Variants in GRM7 observed in about 807,000 individuals in gnomAD.
The protein encoded by GRM7 is metabotropic glutamate receptor 7.
A neutral mutation model predicts 84.5 loss-of-function variants in GRM7; 35 were observed. That is an observed-to-expected ratio of 0.41 (90% CI 0.32 to 0.55). The LOEUF is 0.55. Among genes scored for constraint, GRM7 ranks in the 20% least tolerant of loss-of-function variants. The pLI is 0.19. For synonymous variants in GRM7, 487 were observed against 455.1 expected, an observed-to-expected ratio of 1.07 and a Z score of -0.89; for missense variants, 1,003 against 1,194.6, an observed-to-expected ratio of 0.84 and a Z score of 2.36.
At chr3:7,468,862 T>A (rs1218603478) in intron 7 of GRM7, among the ~76,000 whole-genome samples, 1 of 152,214 alleles carries the variant, frequency 6.6e-6, no homozygotes, top group African/African-American at 2.4e-5. Flanking sequence ...GACTGTGAAT[T>A]TTCTGAGGCC....
At chr3:7,207,194 G>C (rs1287730380) in intron 2 of GRM7, among the ~76,000 whole-genome samples, 1 of 152,160 alleles carries the variant, frequency 6.6e-6, no homozygotes, top group Non-Finnish European at 1.5e-5. Flanking sequence ...TCCGCCATTA[G>C]AGACATGGGG....
At position 7,085,048 on chromosome 3, in the gene GRM7, T is replaced by A. The variant is rs187380895; in HGVS notation, c.520-61404T>A. On this transcript the variant is annotated intron_variant, in intron 1 of 9. Transcript: ENST00000357716. ...TCATATCCTCAGGTAGTATTCCATA[T>A]CTGATTTAATAGCTTGCTGAGGGGC... 2.2e-3 allele frequency among the ~76,000 whole-genome samples: 338 copies of A among 152,262 alleles called. 3 individuals are homozygous for A. The highest frequency in any genetic ancestry group is 2.9e-3 in the East Asian group (15 of 5,172).
chr3:7,475,039 A>T (rs531592156), intron 7 of GRM7, among the ~76,000 whole-genome samples: 1 of 152,218 alleles, frequency 6.6e-6, no homozygotes, highest in Non-Finnish European at 1.5e-5. Context: ...CAACAAATAC[A>T]CAACTATTCA....
At chr3:7,502,274 C>T (rs1291773204) in intron 7 of GRM7, among the ~76,000 whole-genome samples, 1 of 152,160 alleles carries the variant, frequency 6.6e-6, no homozygotes. Flanking sequence ...GTTCCCTCAA[C>T]ATTATGTTCA....
At chr3:7,290,475 A>G (rs1337662245) in intron 2 of GRM7, among the ~76,000 whole-genome samples, 1 of 152,176 alleles carries the variant, frequency 6.6e-6, no homozygotes, top group Non-Finnish European at 1.5e-5. Flanking sequence ...AAATTCCTGA[A>G]TACATTTTAT....
In GRM7 at chr3:7,526,132, C is replaced by T. The variant is rs114832673; in HGVS notation, c.1516-52290C>T. 5.9e-3 allele frequency among the ~76,000 whole-genome samples: 898 copies of T among 152,226 alleles called. 2 individuals carry two copies. The highest frequency in any genetic ancestry group is 0.02 in the African/African-American group (846 of 41,546). ...CTTTGAGAAATCTCCAAACTACTTT[C>T]CACAGTGTCTGAACTAATCATGCCA... On this transcript the variant is annotated intron_variant, in intron 7 of 9. Coordinates refer to ENST00000357716, the MANE Select transcript of GRM7 (RefSeq NM_000844.4).
At chr3:7,137,189 G>A (rs1693799535) in intron 1 of GRM7, among the ~76,000 whole-genome samples, 1 of 151,954 alleles carries the variant, frequency 6.6e-6, no homozygotes, top group Non-Finnish European at 1.5e-5. Context: ...TTATTTATGT[G>A]TCCATTTTAA....
intron 8 of GRM7, among the ~76,000 whole-genome samples, chr3:7,678,678 G>T (rs1352405114): frequency 1.3e-5 from 2 of 152,298 alleles, no homozygotes; most frequent in East Asian, 3.9e-4. Context: ...GCAGCTGGTA[G>T]CTCCTTTTAA....
chr3:7,301,434 T>C (rs1377891022), intron 3 of GRM7, among the ~76,000 whole-genome samples: 1 of 152,192 alleles, frequency 6.6e-6, no homozygotes, highest in Non-Finnish European at 1.5e-5. Flanking sequence ...TTATAAGTCC[T>C]TTTAACACCC....
chr3:7,450,950 G>C (rs1697740968), intron 5 of GRM7, among the ~76,000 whole-genome samples: 1 of 151,416 alleles, frequency 6.6e-6, no homozygotes, highest in Non-Finnish European at 1.5e-5. Context: ...TTCTGGAAAA[G>C]TCAGTGAAGC....
intron 7 of GRM7, among the ~76,000 whole-genome samples, chr3:7,560,807 T>C (rs1575494221): frequency 1.3e-5 from 2 of 152,292 alleles, no homozygotes; most frequent in East Asian, 1.9e-4. Context: ...CATGTAATTC[T>C]ATCAGCACAT....
chr3:7,122,537 A>G (rs1574932550), intron 1 of GRM7, among the ~76,000 whole-genome samples: 2 of 152,298 alleles, frequency 1.3e-5, no homozygotes, highest in East Asian at 3.9e-4. Context: ...TTCAAATGGT[A>G]TGAACTAATT....
chr3:7,266,953 C>T (rs565495749), intron 2 of GRM7, among the ~76,000 whole-genome samples: 4 of 152,308 alleles, frequency 2.6e-5, no homozygotes, highest in Admixed American at 2.0e-4. Flanking sequence ...GACCTCTTAG[C>T]GTCTTAAAGG....
At chr3:7,626,742 A>G (rs1412484433) in intron 8 of GRM7, among the ~76,000 whole-genome samples, 1 of 152,128 alleles carries the variant, frequency 6.6e-6, no homozygotes, top group Non-Finnish European at 1.5e-5. Flanking sequence ...AACCAATTAC[A>G]TATTCAATGG....
intron 2 of GRM7, among the ~76,000 whole-genome samples, chr3:7,208,736 A>C (rs988025268): frequency 6.6e-6 from 1 of 152,152 alleles, no homozygotes; most frequent in African/African-American, 2.4e-5. Flanking sequence ...CATTTAACCA[A>C]ATCGTGGTAT....
intron 7 of GRM7, among the ~76,000 whole-genome samples, chr3:7,481,419 A>G (rs925294884): frequency 1.2e-4 from 19 of 152,282 alleles, no homozygotes; most frequent in Admixed American, 5.2e-4. Flanking sequence ...ATCAGCCTCC[A>G]TAATTCTCAA....
chr3:7,452,347 A>G lies in GRM7; in HGVS notation c.1175-260A>G, dbSNP rs149160092. ...CTCAAAGATCCTTTTATTCTAAGGG[A>G]CCACTATATTTTGAATAGTATGTAA... On this transcript the variant is annotated intron_variant, in intron 5 of 9. Coordinates refer to ENST00000357716, the MANE Select transcript of GRM7 (RefSeq NM_000844.4). 7.0e-4 allele frequency among the ~76,000 whole-genome samples: 107 copies of G among 152,284 alleles called. 1 individual carries two copies. Among genetic ancestry groups the G allele is most frequent in the African/African-American group, 2.4e-3 (100 of 41,566 alleles).
At chr3:7,220,851 C>T (rs1184404845) in intron 2 of GRM7, among the ~76,000 whole-genome samples, 1 of 152,136 alleles carries the variant, frequency 6.6e-6, no homozygotes, top group Non-Finnish European at 1.5e-5. Context: ...GTAATCCCAG[C>T]ATTTTCCATC....
rs59647615 is a variant in GRM7 at position 7,644,034 on chromosome 3, A to ACACC, written c.2452-36014_2452-36013insACCC. The stretch of plus-strand genomic sequence containing the variant: ...TATATATATATACACACACACACAC[A>ACACC]CCATATATAAAATATGTATATATTT... On this transcript the variant is annotated intron_variant, in intron 8 of 9. Transcript: ENST00000357716. Among the ~76,000 whole-genome samples the ACACC allele has an allele frequency of 5.1e-3, 752 of 147,318 alleles. 14 individuals are homozygous for ACACC. The highest frequency in any genetic ancestry group is 0.042 in the South Asian group (198 of 4,660).
Sources: gnomAD v4.1 joint callset for allele counts (sites outside exome capture counted in the v4.1 genomes callset) on GRCh38, gnomAD v4.1.1 for gene constraint, MANE v1.5 for transcripts, NCBI Gene and HGNC (gene_info 2026-07-23, HGNC 2026-07-21) for gene names.